Variants in SPG11 observed in about 807,000 individuals in gnomAD.
SPG11 encodes the protein spatacsin.
A neutral mutation model predicts 274.0 loss-of-function variants in SPG11; 222 were observed. That is an observed-to-expected ratio of 0.81 (90% CI 0.73 to 0.91). SPG11 has a LOEUF of 0.91. Ranked by LOEUF, SPG11 falls within the 40% of genes least tolerant of loss-of-function variation. SPG11 has a pLI of 0.00. For synonymous variants in SPG11, 1,144 were observed against 1,039.7 expected (o/e 1.10, Z -1.93); for missense variants, 3,114 against 2,872.7 (o/e 1.08, Z -1.92).
chr15:44,633,462 A>G, intron 8 of SPG11, 43 bp downstream of exon 8: 1 of 1,507,942 alleles, frequency 6.6e-7, no homozygotes, highest in Non-Finnish European at 9.1e-7. Context: ...TATTAAGAAG[A>G]TCAAATGATA....
At chr15:44,639,252 AACACACACACACACACAAAGAGATAC>A (rs1378527494) in intron 7 of SPG11, among the ~76,000 whole-genome samples, 1 of 148,610 alleles carries the variant, frequency 6.7e-6, no homozygotes, top group African/African-American at 2.5e-5. Context: ...GGTATCTTAA[AACACACACACACACACAAAGAGATAC>A]ACACACACAC....
Position 44,584,255 on chromosome 15 carries a change from G to C in SPG11, c.5425C>G (p.His1809Asp), listed in dbSNP as rs369610623. The C allele has an allele frequency of 6.2e-7, 1 of 1,614,060 alleles. No individual in the cohort carries two copies. The highest frequency in any genetic ancestry group is 1.3e-5 in the African/African-American group (1 of 74,938). The change falls in exon 30 of 40, where the codon CAC becomes GAC. Residue 1809 changes from histidine to aspartate, a missense_variant. Transcript: ENST00000261866. ...KQIWLCRITQ[H>D]TLGRNQEETE... ...TCCTCCTGATTTCTTCCAAGAGTGT[G>C]CTGGGTGATGCGGCACAGCCAGATC...
rs1489959239 is a variant in SPG11, at chr15:44,663,528, C to A, written c.120G>T (p.Gln40His). 6.3e-7 allele frequency: 1 copy of A among 1,598,322 alleles called. No homozygotes were observed. Among genetic ancestry groups the A allele is most frequent in the Admixed American group, 1.7e-5 (1 of 57,948 alleles). The change falls in exon 1 of 40, where the codon CAG becomes CAT. Residue 40 changes from glutamine (Q) to histidine (H), a missense_variant. Physicochemically the swap from Gln to His is conservative, Grantham distance 24 (BLOSUM62 0). Transcript: ENST00000261866. ...TGCGCAGCTGCGCCCGGGAGCCGAGCTGCCCCATCGCCTCGGCGGGGACTG... is the reference window on the plus strand; with the variant it reads ...TGCGCAGCTGCGCCCGGGAGCCGAGATGCCCCATCGCCTCGGCGGGGACTG... ...LVPVPAEAMGQLGSRAQLRTQ... is the reference protein window; with the variant it reads ...LVPVPAEAMGHLGSRAQLRTQ...
chr15:44,601,557 C>CTT (rs776775388), intron 20 of SPG11, among the ~76,000 whole-genome samples: 71 of 122,776 alleles, frequency 5.8e-4, no homozygotes, highest in East Asian at 5.6e-3. Context: ...CCAGCCTCTT[C>CTT]TTTTTTTTTT....
chr15:44,641,612 C>CACAT (rs1238849624), intron 7 of SPG11, among the ~76,000 whole-genome samples: 38 of 150,052 alleles, frequency 2.5e-4, no homozygotes, highest in African/African-American at 9.2e-4. Flanking sequence ...CACACACACA[C>CACAT]ACACACACAC....
chr15:44,663,328 G>C, intron 1 of SPG11, 63 bp downstream of exon 1: 2 of 1,565,688 alleles, frequency 1.3e-6, no homozygotes, highest in Non-Finnish European at 1.7e-6. Flanking sequence ...AGCCCTTGGG[G>C]CTCAGTCAGC....
In SPG11 at chr15:44,563,196, C is replaced by CTT. The variant is rs532737377; in HGVS notation, c.7255_7256dup (p.Phe2420SerfsTer6). 9.3e-6 allele frequency: 15 copies of CTT among 1,614,044 alleles called. No homozygotes were observed. Among genetic ancestry groups the CTT allele is most frequent in the Non-Finnish European group, 1.3e-5 (15 of 1,180,032 alleles). ...GAAGCACATTTACAATTTCATAAAACTTGTGTTCGTATGCCAACTTGTAAT... is the reference window on the plus strand; with the variant it reads ...GAAGCACATTTACAATTTCATAAAACTTTTGTGTTCGTATGCCAACTTGTAAT... On this transcript the variant is annotated frameshift_variant, in exon 40 of 40. Coordinates refer to ENST00000261866, the MANE Select transcript of SPG11 (RefSeq NM_025137.4). LOFTEE classifies it high-confidence loss of function.
At chr15:44,581,067 A>G (rs1425316648) in intron 30 of SPG11, among the ~76,000 whole-genome samples, 1 of 152,198 alleles carries the variant, frequency 6.6e-6, no homozygotes, top group Non-Finnish European at 1.5e-5. Flanking sequence ...ACAGAAAAAA[A>G]AACATCGAGA....
At position 44,565,838 on chromosome 15, in the gene SPG11, T is replaced by A; in HGVS notation, c.6999+16A>T. The A allele has an allele frequency of 6.2e-7, 1 of 1,613,948 alleles. No individual in the cohort carries two copies. The highest frequency in any genetic ancestry group is 8.5e-7 in the Non-Finnish European group (1 of 1,180,002). On this transcript the variant is annotated intron_variant, in intron 38 of 39. Coordinates refer to ENST00000261866, the MANE Select transcript of SPG11 (RefSeq NM_025137.4). Reference sequence around the variant, plus strand: ...GGATGCTAGCAGTGCTGGCTACAGTTTGCTTTCTTGCTCACCTGGTAGAAC... The same window carrying A: ...GGATGCTAGCAGTGCTGGCTACAGTATGCTTTCTTGCTCACCTGGTAGAAC...
intron 26 of SPG11, 22 bp downstream of exon 26, chr15:44,595,237 G>C: frequency 6.2e-7 from 1 of 1,609,586 alleles, no homozygotes; most frequent in Non-Finnish European, 8.5e-7. Context: ...GCTCTGGAAA[G>C]AAGTGAAGCA....
intron 7 of SPG11, among the ~76,000 whole-genome samples, chr15:44,634,340 T>C (rs1016186214): frequency 6.6e-6 from 1 of 152,086 alleles, no homozygotes; most frequent in East Asian, 1.9e-4. Flanking sequence ...AGTGGCATGA[T>C]CTCACCTCAC....
At position 44,563,304 on chromosome 15, in the gene SPG11, A is replaced by G; in HGVS notation, c.7152-3T>C. ...CAGTAGGCTGATGTTGTTTATATCTAGATAAAGAAACATAATGTACAGGTT... is the reference window on the plus strand; with the variant it reads ...CAGTAGGCTGATGTTGTTTATATCTGGATAAAGAAACATAATGTACAGGTT... On this transcript the variant is annotated splice_polypyrimidine_tract_variant and splice_region_variant and intron_variant, in intron 39 of 39. Coordinates refer to ENST00000261866, the MANE Select transcript of SPG11 (RefSeq NM_025137.4). 2 of 1,610,916 alleles carry G rather than the reference A, an allele frequency of 1.2e-6. No individual in the cohort carries two copies. The highest frequency in any genetic ancestry group is 4.5e-5 in the East Asian group (2 of 44,866).
intron 4 of SPG11, among the ~76,000 whole-genome samples, chr15:44,655,461 G>C (rs1184340921): frequency 6.6e-6 from 1 of 152,140 alleles, no homozygotes; most frequent in Non-Finnish European, 1.5e-5. Flanking sequence ...CATGGGTTGA[G>C]GTATGCTGCT....
At chr15:44,636,925 C>CAAAAAAAAAAAAAAAAAAAAA (rs370928375) in intron 7 of SPG11, among the ~76,000 whole-genome samples, 9 of 19,450 alleles carry the variant, frequency 4.6e-4, no homozygotes, top group African/African-American at 1.9e-3. Flanking sequence ...GACTCCATCT[C>CAAAAAAAAAAAAAAAAAAAAA]AAAAAAAAAA....
chr15:44,633,354 A>G (rs2084133250), intron 8 of SPG11, 151 bp downstream of exon 8: 1 of 328,910 alleles, frequency 3.0e-6, no homozygotes, highest in Non-Finnish European at 5.3e-6. Flanking sequence ...AAAAAAAAAA[A>G]AAAAAAAAGA....
chr15:44,563,579 CT>C (rs1483293720), intron 39 of SPG11, among the ~76,000 whole-genome samples: 1 of 152,158 alleles, frequency 6.6e-6, no homozygotes, highest in Non-Finnish European at 1.5e-5. Flanking sequence ...CTCAAGTTAC[CT>C]GCCTGCCTTG....
At chr15:44,626,543 T>C (rs760456568) in intron 10 of SPG11, 36 bp from the exon 11 acceptor site, 90 of 1,594,510 alleles carry the variant, frequency 5.6e-5, no homozygotes, top group Non-Finnish European at 7.6e-5. Context: ...TTAAGTTCTT[T>C]TTCATTTCCT....
In SPG11 at chr15:44,584,141, C is replaced by A. The variant is rs772425559; in HGVS notation, c.5539G>T (p.Ala1847Ser). 6 of 1,614,204 alleles carry A rather than the reference C, an allele frequency of 3.7e-6. No homozygotes were observed. The South Asian group carries it at 6.6e-5, about 18-fold the overall frequency. The stretch of plus-strand genomic sequence containing the variant: ...AAGTATTTTGATGTGTTCAGAGCAG[C>A]CAACTTGGAGAAGGAAAACTCACTG... ...LASEFSFSKLAALNTSKYLEL... is the reference protein window; with the variant it reads ...LASEFSFSKLSALNTSKYLEL... The change falls in exon 30 of 40, where the codon GCT becomes TCT. Residue 1847 changes from alanine (A) to serine (S), a missense_variant. Coordinates refer to ENST00000261866, the MANE Select transcript of SPG11 (RefSeq NM_025137.4).
At position 44,663,586 on chromosome 15, in the gene SPG11, G is replaced by C. The variant is rs1178130732; in HGVS notation, c.62C>G (p.Ala21Gly). ...CAGCATCGGTAGAACCCGCCCCATGGCCGCGGTGCCCCAGCTACCGCCGGC... is the reference window on the plus strand; with the variant it reads ...CAGCATCGGTAGAACCCGCCCCATGCCCGCGGTGCCCCAGCTACCGCCGGC... ...ASAGGSWGTA[A>G]MGRVLPMLLV... is the part of the protein sequence containing the mutation. The change falls in exon 1 of 40, where the codon GCC (alanine) becomes GGC (glycine). Residue 21 changes from alanine (A) to glycine (G), a missense_variant. Ala to Gly is a moderately conservative substitution (Grantham distance 60, BLOSUM62 0). Transcript: ENST00000261866. The C allele has an allele frequency of 6.3e-7, 1 of 1,596,592 alleles. No individual in the cohort carries two copies. Among genetic ancestry groups the C allele is most frequent in the Non-Finnish European group, 8.5e-7 (1 of 1,174,454 alleles).
Sources: allele counts gnomAD v4.1 joint callset (sites outside exome capture counted in the v4.1 genomes callset), GRCh38; gene constraint gnomAD v4.1.1; transcripts MANE v1.5; gene names NCBI Gene and HGNC (gene_info 2026-07-23, HGNC 2026-07-21).